Variants in FAM184B observed in about 807,000 individuals in gnomAD.
The protein encoded by FAM184B is family with sequence similarity 184 member B.
A neutral mutation model predicts 135.9 loss-of-function variants in FAM184B; 111 were observed. The observed-to-expected ratio is 0.82, with a 90% confidence interval of 0.70 to 0.96. FAM184B has a LOEUF of 0.96. Ranked by LOEUF, FAM184B falls within the 40% of genes least tolerant of loss-of-function variation. FAM184B has a pLI of 0.00. For missense variants in FAM184B, 1,375 were observed against 1,323.9 expected, an observed-to-expected ratio of 1.04 and a Z score of -0.60; for synonymous variants, 552 against 524.8, an observed-to-expected ratio of 1.05 and a Z score of -0.71.
chr4:17,765,425 G>C (rs1456291545), intron 1 of FAM184B, among the ~76,000 whole-genome samples: 1 of 152,030 alleles, frequency 6.6e-6, no homozygotes, highest in African/African-American at 2.4e-5. Context: ...TATTAATATT[G>C]ATTATAATAT....
At chr4:17,700,461 T>C (rs2108961931) in intron 5 of FAM184B, among the ~76,000 whole-genome samples, 1 of 152,270 alleles carries the variant, frequency 6.6e-6, no homozygotes, top group Middle Eastern at 3.4e-3. Context: ...ATCCTAAATG[T>C]ATATGCACAA....
Position 17,733,609 on chromosome 4 carries a change from A to G in FAM184B, c.142-23965T>C, listed in dbSNP as rs545061005. Among the ~76,000 whole-genome samples, 17 of 152,280 alleles carry G rather than the reference A, an allele frequency of 1.1e-4. No homozygotes were observed. The South Asian group carries it at 3.1e-3, about 28-fold the overall frequency. Reference sequence around the variant, plus strand: ...TTCAAAGAGAATAAAATACCTAGGAACCCAATTTACAAGGGATGTGAAGGA... The same window carrying G: ...TTCAAAGAGAATAAAATACCTAGGAGCCCAATTTACAAGGGATGTGAAGGA... On this transcript the variant is annotated intron_variant, in intron 1 of 17. Coordinates refer to ENST00000265018, the MANE Select transcript of FAM184B (RefSeq NM_015688.2).
chr4:17,763,108 T>C (rs946583541), intron 1 of FAM184B, among the ~76,000 whole-genome samples: 4 of 152,170 alleles, frequency 2.6e-5, no homozygotes, highest in African/African-American at 9.7e-5. Flanking sequence ...TCAGTGCTAG[T>C]TCTTTCTTTG....
At chr4:17,752,737 G>C (rs1718330779) in intron 1 of FAM184B, among the ~76,000 whole-genome samples, 1 of 152,164 alleles carries the variant, frequency 6.6e-6, no homozygotes, top group Admixed American at 6.5e-5. Flanking sequence ...ATGTAAATGA[G>C]AACTGCAAAT....
intron 1 of FAM184B, among the ~76,000 whole-genome samples, chr4:17,743,559 C>T (rs995041872): frequency 2.6e-5 from 4 of 152,178 alleles, no homozygotes; most frequent in African/African-American, 4.8e-5. Flanking sequence ...TGATCTTCCT[C>T]CCCAGCCACT....
At chr4:17,746,391 T>G (rs567367520) in intron 1 of FAM184B, among the ~76,000 whole-genome samples, 1 of 152,256 alleles carries the variant, frequency 6.6e-6, no homozygotes, top group East Asian at 1.9e-4. Flanking sequence ...CCAATGGTTC[T>G]TCTACTTCAG....
chr4:17,710,969 G>C (rs115437222), intron 1 of FAM184B, among the ~76,000 whole-genome samples: 2 of 152,188 alleles, frequency 1.3e-5, no homozygotes, highest in South Asian at 2.1e-4. Flanking sequence ...ACAGAGGAGG[G>C]GGGTGAAGTC....
At chr4:17,748,366 G>A (rs1041424460) in intron 1 of FAM184B, among the ~76,000 whole-genome samples, 4 of 151,954 alleles carry the variant, frequency 2.6e-5, no homozygotes, top group African/African-American at 9.7e-5. Context: ...TCAGTTTGGG[G>A]CATCCTCAGT....
At position 17,631,027 on chromosome 4, in the gene FAM184B, A is replaced by T. The variant is rs1442215259; in HGVS notation, c.*1505T>A. Reference sequence around the variant, plus strand: ...AATATTTTGCCCCCTAAAAGTTGTTATTGAGTCTTGTCAAATCACATTGCT... The same window carrying T: ...AATATTTTGCCCCCTAAAAGTTGTTTTTGAGTCTTGTCAAATCACATTGCT... On this transcript the variant is annotated 3_prime_UTR_variant, in exon 18 of 18. Coordinates refer to ENST00000265018, the MANE Select transcript of FAM184B (RefSeq NM_015688.2). 6.6e-6 allele frequency: 1 copy of T among 152,286 alleles called. No individual in the cohort carries two copies. The highest frequency in any genetic ancestry group is 1.5e-5 in the Non-Finnish European group (1 of 68,030). 9.4% of individuals were successfully genotyped at this position (152,286 alleles called of 1,614,324 possible).
Position 17,722,896 on chromosome 4 carries a change from T to C in FAM184B, c.142-13252A>G, listed in dbSNP as rs73800367. 7.0e-3 allele frequency among the ~76,000 whole-genome samples: 1,067 copies of C among 152,308 alleles called. 12 individuals are homozygous for C. Among genetic ancestry groups the C allele is most frequent in the African/African-American group, 0.023 (969 of 41,572 alleles). On this transcript the variant is annotated intron_variant, in intron 1 of 17. Coordinates refer to ENST00000265018, the MANE Select transcript of FAM184B (RefSeq NM_015688.2). ...TACAAAGAAATCTTAACACTTTTCA[T>C]AGGAAATATTATGAGAGAGAATTAA... is the stretch of plus-strand genomic sequence containing the variant.
intron 13 of FAM184B, 55 bp from the exon 14 acceptor site, chr4:17,639,451 T>G: frequency 1.9e-6 from 3 of 1,540,476 alleles, no homozygotes; most frequent in Non-Finnish European, 2.6e-6. Context: ...TGGCACCCCT[T>G]GGGCTCTGGG....
chr4:17,690,968 T>C (rs1716718709), intron 6 of FAM184B, among the ~76,000 whole-genome samples: 1 of 152,128 alleles, frequency 6.6e-6, no homozygotes. Flanking sequence ...TGGGGACAGA[T>C]TGTAGCATCA....
At chr4:17,769,690 C>A (rs1286783330) in intron 1 of FAM184B, among the ~76,000 whole-genome samples, 1 of 152,128 alleles carries the variant, frequency 6.6e-6, no homozygotes, top group Non-Finnish European at 1.5e-5. Flanking sequence ...CCTCCCCACT[C>A]CCCGATAAGA....
chr4:17,649,896 C>G (rs1466116113), intron 11 of FAM184B, among the ~76,000 whole-genome samples: 1 of 151,944 alleles, frequency 6.6e-6, no homozygotes, highest in African/African-American at 2.4e-5. Context: ...ATCTATCTGT[C>G]TACCCATCTG....
At chr4:17,679,546 G>A (rs1454440912) in intron 7 of FAM184B, among the ~76,000 whole-genome samples, 1 of 152,140 alleles carries the variant, frequency 6.6e-6, no homozygotes, top group Non-Finnish European at 1.5e-5. Flanking sequence ...GTCGTGAAAA[G>A]AGAACATTTT....
At chr4:17,744,893 T>G (rs1718126760) in intron 1 of FAM184B, among the ~76,000 whole-genome samples, 1 of 152,084 alleles carries the variant, frequency 6.6e-6, no homozygotes, top group African/African-American at 2.4e-5. Context: ...GTGCTGAGAT[T>G]GAGAGGCAGC....
chr4:17,646,350 C>T (rs1715464917), intron 12 of FAM184B, among the ~76,000 whole-genome samples: 1 of 152,080 alleles, frequency 6.6e-6, no homozygotes, highest in African/African-American at 2.4e-5. Flanking sequence ...CAATGATAGA[C>T]TGGATTAAGA....
At chr4:17,739,064 T>TA (rs1405408099) in intron 1 of FAM184B, among the ~76,000 whole-genome samples, 5 of 152,164 alleles carry the variant, frequency 3.3e-5, no homozygotes, top group African/African-American at 1.2e-4. Flanking sequence ...TTTATAGAAG[T>TA]AAAAAATGAA....
At chr4:17,735,184 G>C (rs1384516660) in intron 1 of FAM184B, among the ~76,000 whole-genome samples, 1 of 151,688 alleles carries the variant, frequency 6.6e-6, no homozygotes, top group Non-Finnish European at 1.5e-5. Flanking sequence ...CCTGTTGTGG[G>C]GTGGGGGGAT....
Sources: allele counts gnomAD v4.1 joint callset (sites outside exome capture counted in the v4.1 genomes callset), GRCh38; gene constraint gnomAD v4.1.1; transcripts MANE v1.5; gene names NCBI Gene and HGNC (gene_info 2026-07-23, HGNC 2026-07-21).